GNAQ: variants seen among roughly 807,000 people sequenced by gnomAD.
GNAQ encodes G protein subunit alpha q.
In GNAQ, 8 loss-of-function variants were observed where a neutral mutation model predicts 43.9. That is an observed-to-expected ratio of 0.18 (90% confidence interval 0.11 to 0.33). The LOEUF (loss-of-function observed/expected upper bound fraction) is 0.33. GNAQ is among the 10% of genes least tolerant of loss of function. The pLI is 1.00. For synonymous variants in GNAQ, 155 were observed against 170.7 expected, an observed-to-expected ratio of 0.91 and a Z score of 0.71; for missense variants, 158 against 450.8, an observed-to-expected ratio of 0.35 and a Z score of 5.88.
intron 2 of GNAQ, among the ~76,000 whole-genome samples, chr9:77,838,621 T>C (rs1187173721): frequency 6.6e-6 from 1 of 151,936 alleles, no homozygotes; most frequent in Non-Finnish European, 1.5e-5. Context: ...TTTCACCATG[T>C]TAGCTAGGCT....
chr9:77,879,771 G>A (rs957473797), intron 2 of GNAQ, among the ~76,000 whole-genome samples: 63 of 152,298 alleles, frequency 4.1e-4, no homozygotes, highest in African/African-American at 1.5e-3. Context: ...AGATTCAACC[G>A]AAAGACTTAG....
chr9:77,864,768 T>C (rs1369504939), intron 2 of GNAQ, among the ~76,000 whole-genome samples: 1 of 152,190 alleles, frequency 6.6e-6, no homozygotes, highest in African/African-American at 2.4e-5. Context: ...TGGTAATACG[T>C]TACAGCAGCA....
intron 5 of GNAQ, among the ~76,000 whole-genome samples, chr9:77,784,940 C>T (rs542760898): frequency 7.9e-5 from 12 of 152,306 alleles, no homozygotes; most frequent in African/African-American, 2.2e-4. Flanking sequence ...AGCTGATCTA[C>T]GCTGTCTAAG....
At chr9:77,814,880 G>A (rs1257042142) in intron 3 of GNAQ, among the ~76,000 whole-genome samples, 1 of 152,204 alleles carries the variant, frequency 6.6e-6, no homozygotes, top group South Asian at 2.1e-4. Flanking sequence ...CTATTCAGGT[G>A]CCTGGTTATC....
At chr9:77,771,532 G>A (rs1826222350) in intron 5 of GNAQ, among the ~76,000 whole-genome samples, 1 of 152,200 alleles carries the variant, frequency 6.6e-6, no homozygotes, top group African/African-American at 2.4e-5. Context: ...GTGAGCACAG[G>A]CGAAGACAAG....
intron 1 of GNAQ, among the ~76,000 whole-genome samples, chr9:77,941,046 A>G (rs1203869452): frequency 6.6e-6 from 1 of 152,248 alleles, no homozygotes; most frequent in East Asian, 1.9e-4. Context: ...ACAACTAAAA[A>G]ATAATTTAGC....
At chr9:77,801,771 A>C (rs1168984303) in intron 3 of GNAQ, among the ~76,000 whole-genome samples, 1 of 152,214 alleles carries the variant, frequency 6.6e-6, no homozygotes, top group Non-Finnish European at 1.5e-5. Flanking sequence ...ACCTCCAACT[A>C]AACAAAAGAC....
intron 2 of GNAQ, among the ~76,000 whole-genome samples, chr9:77,824,013 T>TTAA (rs1327736640): frequency 6.6e-6 from 1 of 152,244 alleles, no homozygotes; most frequent in African/African-American, 2.4e-5. Flanking sequence ...AATGTAGATT[T>TTAA]TAAAGTAAAA....
chr9:77,797,701 T>C lies in GNAQ; in HGVS notation c.477-53A>G. On this transcript the variant is annotated intron_variant, in intron 3 of 6. Coordinates refer to ENST00000286548, the MANE Select transcript of GNAQ (RefSeq NM_002072.5). ...GTCAGTGACACCATCACACCAAAGC[T>C]GTCTACGGAAAGGGAAGGACAAAAA... 4 of 1,569,478 alleles carry C rather than the reference T, an allele frequency of 2.5e-6. No individual in the cohort carries two copies. The Middle Eastern group carries it at 5.1e-4, about 199-fold the overall frequency.
At chr9:77,843,892 G>A (rs2117893632) in intron 2 of GNAQ, among the ~76,000 whole-genome samples, 1 of 152,258 alleles carries the variant, frequency 6.6e-6, no homozygotes, top group East Asian at 1.9e-4. Flanking sequence ...GCCTGGATGG[G>A]TCTGTGGCTC....
intron 1 of GNAQ, among the ~76,000 whole-genome samples, chr9:78,029,483 C>T (rs1438927719): frequency 6.6e-6 from 1 of 151,710 alleles, no homozygotes; most frequent in Non-Finnish European, 1.5e-5. Flanking sequence ...AAAAAAAAAT[C>T]TTTACTTTCC....
intron 5 of GNAQ, among the ~76,000 whole-genome samples, chr9:77,753,832 A>G (rs1275375894): frequency 9.7e-6 from 1 of 102,740 alleles, no homozygotes; most frequent in Non-Finnish European, 2.7e-5. Context: ...AAACCCATAT[A>G]CTTGAATTAA....
chr9:77,996,033 A>G (rs1376273509), intron 1 of GNAQ, among the ~76,000 whole-genome samples: 1 of 152,196 alleles, frequency 6.6e-6, no homozygotes, highest in Non-Finnish European at 1.5e-5. Context: ...GTGTCCCCTT[A>G]TTCACATCTA....
chr9:77,783,207 T>C (rs1282539938), intron 5 of GNAQ, among the ~76,000 whole-genome samples: 2 of 152,182 alleles, frequency 1.3e-5, no homozygotes, highest in Admixed American at 6.5e-5. Context: ...CAGATGCTGA[T>C]AGTGGGGAAG....
At chr9:77,884,223 A>G (rs1170639724) in intron 2 of GNAQ, among the ~76,000 whole-genome samples, 1 of 152,044 alleles carries the variant, frequency 6.6e-6, no homozygotes, top group Non-Finnish European at 1.5e-5. Flanking sequence ...TGTGTAGGTG[A>G]CTCCTCCAGC....
intron 5 of GNAQ, among the ~76,000 whole-genome samples, chr9:77,787,711 G>A (rs1826503765): frequency 6.6e-6 from 1 of 152,136 alleles, no homozygotes; most frequent in African/African-American, 2.4e-5. Context: ...TAAAAGAAAT[G>A]AGTGAGTTGA....
chr9:77,839,487 A>C (rs553852567), intron 2 of GNAQ, among the ~76,000 whole-genome samples: 5 of 152,250 alleles, frequency 3.3e-5, no homozygotes, highest in Non-Finnish European at 7.3e-5. Flanking sequence ...TCCAAATTAT[A>C]GCCTTCAGAT....
At chr9:77,910,403 G>A (rs138125484) in intron 2 of GNAQ, among the ~76,000 whole-genome samples, 166 of 152,342 alleles carry the variant, frequency 1.1e-3, no homozygotes, top group African/African-American at 3.9e-3. Flanking sequence ...AACAAGGAAA[G>A]TATTCATCTG....
intron 5 of GNAQ, among the ~76,000 whole-genome samples, chr9:77,773,390 T>C (rs1180666451): frequency 1.3e-5 from 2 of 152,234 alleles, no homozygotes; most frequent in Admixed American, 1.3e-4. Context: ...TATAATTTAC[T>C]GAACATCTGT....
Sources: allele counts gnomAD v4.1 joint callset (sites outside exome capture counted in the v4.1 genomes callset), GRCh38; gene constraint gnomAD v4.1.1; transcripts MANE v1.5; gene names NCBI Gene and HGNC (gene_info 2026-07-23, HGNC 2026-07-21).